The following OSBPL11 variants were observed in gnomAD, a reference collection of about 807,000 sequenced individuals.
The protein encoded by OSBPL11 is oxysterol binding protein like 11, also known as oxysterol-binding protein-related protein 11.
In OSBPL11, 33 loss-of-function variants were observed where a neutral mutation model predicts 84.4. The ratio of observed to expected loss-of-function variants is 0.39; its 90% confidence interval spans 0.30 to 0.52. The LOEUF is 0.52. Ranked by LOEUF, OSBPL11 falls within the 20% of genes least tolerant of loss-of-function variation. The pLI is 0.72. For missense variants in OSBPL11, 736 were observed against 901.1 expected, an observed-to-expected ratio of 0.82 and a Z score of 2.35; for synonymous variants, 276 against 310.2, an observed-to-expected ratio of 0.89 and a Z score of 1.16.
At chr3:125,549,738 C>T (rs1051387133) in intron 9 of OSBPL11, among the ~76,000 whole-genome samples, 1 of 152,102 alleles carries the variant, frequency 6.6e-6, no homozygotes, top group South Asian at 2.1e-4. Flanking sequence ...CCTTCCACCT[C>T]GGCCCACCAA....
At chr3:125,554,828 G>A (rs189453508) in intron 8 of OSBPL11, among the ~76,000 whole-genome samples, 11 of 152,130 alleles carry the variant, frequency 7.2e-5, no homozygotes, top group Admixed American at 6.6e-4. Context: ...AAAAAGAAAA[G>A]TATGAGAGAA....
chr3:125,533,678 GA>G (rs1191186895), intron 11 of OSBPL11, among the ~76,000 whole-genome samples: 1 of 151,986 alleles, frequency 6.6e-6, no homozygotes, highest in East Asian at 1.9e-4. Flanking sequence ...AATAACCAAA[GA>G]CATTAAAACA....
In OSBPL11 at chr3:125,538,517, A is replaced by C. The variant is rs1481395740; in HGVS notation, c.1958T>G (p.Leu653Trp). 1 of 1,614,154 alleles carries C rather than the reference A, an allele frequency of 6.2e-7. No homozygotes were observed. The highest frequency in any genetic ancestry group is 8.5e-7 in the Non-Finnish European group (1 of 1,180,006). Reference sequence around the variant, plus strand: ...TTTCTTCGTCACTGCCAATTTAGTCAAGTCCACATACTTTGTCTCTCCATT... The same window carrying C: ...TTTCTTCGTCACTGCCAATTTAGTCCAGTCCACATACTTTGTCTCTCCATT... ...YSNGETKYVD[L>W]TKLAVTKKRV... is the part of the protein sequence containing the mutation. Residue 653 changes from leucine (L) to tryptophan (W), a missense_variant, in exon 11 of 13, where the codon TTG becomes TGG. Leu to Trp is a moderately conservative substitution (Grantham distance 61). Transcript: ENST00000296220.
chr3:125,546,873 TGA>T (rs2107592592), intron 10 of OSBPL11, among the ~76,000 whole-genome samples: 1 of 150,972 alleles, frequency 6.6e-6, no homozygotes, highest in South Asian at 2.1e-4. Flanking sequence ...GGCGACAGAG[TGA>T]GACTCTGTCT....
At chr3:125,543,124 A>ATTTTTTT (rs60571172) in intron 10 of OSBPL11, among the ~76,000 whole-genome samples, 1 of 99,288 alleles carries the variant, frequency 1.0e-5, no homozygotes. Context: ...GGCTAGTAAG[A>ATTTTTTT]TTTTTTTTTT....
At chr3:125,589,608 C>A (rs1936567851) in intron 1 of OSBPL11, among the ~76,000 whole-genome samples, 1 of 151,108 alleles carries the variant, frequency 6.6e-6, no homozygotes, top group African/African-American at 2.4e-5. Flanking sequence ...TCCTTTAACC[C>A]CTGCAGAGGA....
chr3:125,563,060 C>CAG (rs1421260743), intron 7 of OSBPL11, among the ~76,000 whole-genome samples: 1 of 151,272 alleles, frequency 6.6e-6, no homozygotes, highest in Non-Finnish European at 1.5e-5. Context: ...TTTAATTATA[C>CAG]AGACCAGTAC....
rs1159574460 is a variant in OSBPL11 at position 125,544,699 on chromosome 3, C to T, written c.1841+2707G>A. Among the ~76,000 whole-genome samples the T allele has an allele frequency of 3.3e-5, 5 of 152,160 alleles. No individual in the cohort carries two copies. The East Asian group carries it at 9.6e-4, about 29-fold the overall frequency. On this transcript the variant is annotated intron_variant, in intron 10 of 12. Coordinates refer to ENST00000296220, the MANE Select transcript of OSBPL11 (RefSeq NM_022776.5). ...ATCAGAATTTTCTCCTTGATAAAAA[C>T]TTTGCCTCTCTCCACAACTCAGGCT...
Position 125,547,532 on chromosome 3 carries a change from G to C in OSBPL11, c.1715C>G (p.Ala572Gly), listed in dbSNP as rs955867189. 2 of 1,613,764 alleles carry C rather than the reference G, an allele frequency of 1.2e-6. No homozygotes were observed. Among genetic ancestry groups the C allele is most frequent in the East Asian group, 4.5e-5 (2 of 44,862 alleles). Reference sequence around the variant, plus strand: ...CCAAGGAACAGTCAAAATTGACCGAGCATATGCACAGGGTAGAGAAAATGT... The same window carrying C: ...CCAAGGAACAGTCAAAATTGACCGACCATATGCACAGGGTAGAGAAAATGT... The part of the protein sequence containing the change: ...EYTFSLPCAY[A>G]RSILTVPWVE... Residue 572 changes from alanine to glycine, a missense_variant, in exon 10 of 13, where the codon GCT (alanine) becomes GGT (glycine). This residue lies in a region of OSBPL11 where 579 missense variants were observed against 717.6 expected (regional missense o/e 0.81). Coordinates refer to ENST00000296220, the MANE Select transcript of OSBPL11 (RefSeq NM_022776.5).
At chr3:125,567,992 T>TAAAA (rs35693186) in intron 5 of OSBPL11, among the ~76,000 whole-genome samples, 1 of 117,842 alleles carries the variant, frequency 8.5e-6, no homozygotes, top group African/African-American at 3.2e-5. Context: ...AAACCCCGTC[T>TAAAA]AAAAAAAAAA....
chr3:125,578,662 T>C (rs1359437306), intron 4 of OSBPL11, among the ~76,000 whole-genome samples: 2 of 152,080 alleles, frequency 1.3e-5, no homozygotes, highest in East Asian at 3.9e-4. Context: ...TCCCAGCTAC[T>C]TGGGAGGCTG....
intron 2 of OSBPL11, 78 bp from the exon 3 acceptor site, chr3:125,580,118 T>C (rs989759021): frequency 1.3e-5 from 16 of 1,214,030 alleles, no homozygotes; most frequent in Non-Finnish European, 1.7e-5. Flanking sequence ...TTCAATCACT[T>C]ACACATTTCA....
chr3:125,560,324 C>CACAG, intron 8 of OSBPL11, 55 bp downstream of exon 8: 6 of 1,325,498 alleles, frequency 4.5e-6, no homozygotes, highest in Non-Finnish European at 5.9e-6. Context: ...TAAACATGAA[C>CACAG]AATTACTGGT....
intron 10 of OSBPL11, among the ~76,000 whole-genome samples, chr3:125,547,014 A>G (rs1235732043): frequency 6.6e-6 from 1 of 152,194 alleles, no homozygotes; most frequent in African/African-American, 2.4e-5. Context: ...ACTGGCTTTA[A>G]TCATTGTGCT....
intron 7 of OSBPL11, among the ~76,000 whole-genome samples, chr3:125,560,949 T>C (rs962664723): frequency 1.3e-5 from 2 of 152,070 alleles, no homozygotes; most frequent in Non-Finnish European, 2.9e-5. Context: ...TCCACCCGCT[T>C]TGGCCTCTCA....
intron 8 of OSBPL11, among the ~76,000 whole-genome samples, chr3:125,558,504 T>C (rs1936026581): frequency 6.6e-6 from 1 of 152,244 alleles, no homozygotes; most frequent in Non-Finnish European, 1.5e-5. Context: ...TTAAGTTATA[T>C]TTTCAGATGA....
intron 12 of OSBPL11, among the ~76,000 whole-genome samples, chr3:125,531,549 G>A (rs113347928): frequency 2.6e-5 from 4 of 151,214 alleles, no homozygotes; most frequent in Non-Finnish European, 4.4e-5. Flanking sequence ...CCTCGGCCTC[G>A]CAAAGTACTG....
At position 125,568,109 on chromosome 3, in the gene OSBPL11, T is replaced by A. The variant is rs72979741; in HGVS notation, c.667-514A>T. On this transcript the variant is annotated intron_variant, in intron 5 of 12. Coordinates refer to ENST00000296220, the MANE Select transcript of OSBPL11 (RefSeq NM_022776.5). Reference sequence around the variant, plus strand: ...ATCAATTGGGCAAAAGATTGTTATCTAAGGCAGCTGCAATTTTTCTTTGGA... The same window carrying A: ...ATCAATTGGGCAAAAGATTGTTATCAAAGGCAGCTGCAATTTTTCTTTGGA... 9.0e-3 allele frequency among the ~76,000 whole-genome samples: 1,374 copies of A among 152,046 alleles called. 15 individuals are homozygous for A. Among genetic ancestry groups the A allele is most frequent in the African/African-American group, 0.031 (1,280 of 41,464 alleles).
At chr3:125,534,328 A>G (rs1161194496) in intron 11 of OSBPL11, among the ~76,000 whole-genome samples, 1 of 151,986 alleles carries the variant, frequency 6.6e-6, no homozygotes, top group Non-Finnish European at 1.5e-5. Context: ...GGTTGCAGTG[A>G]GCCGAGACTG....
Sources: gnomAD v4.1 joint callset for allele counts (sites outside exome capture counted in the v4.1 genomes callset) on GRCh38, gnomAD v4.1.1 for gene constraint, gnomAD v4.1.1 regional missense constraint, MANE v1.5 for transcripts, NCBI Gene and HGNC (gene_info 2026-07-23, HGNC 2026-07-21) for gene names.